The following LARP4B variants were observed in gnomAD, a reference collection of about 807,000 sequenced individuals.
LARP4B encodes the protein la-related protein 4B.
LARP4B carries 12 observed loss-of-function variants against 89.8 expected under a neutral mutation model. The observed-to-expected ratio is 0.13, with a 90% CI of 0.09 to 0.22. The LOEUF is 0.22. Among genes scored for constraint, LARP4B ranks in the 10% least tolerant of loss-of-function variants. The pLI, the probability that LARP4B is intolerant of heterozygous loss-of-function variation, is 1.00. For synonymous variants in LARP4B, 367 were observed against 363.3 expected (o/e 1.01, Z -0.12); for missense variants, 757 against 947.7 (o/e 0.80, Z 2.64).
At chr10:891,395 G>A (rs1272686232) in intron 1 of LARP4B, among the ~76,000 whole-genome samples, 1 of 152,088 alleles carries the variant, frequency 6.6e-6, no homozygotes, top group African/African-American at 2.4e-5. Flanking sequence ...AACAGTAAAA[G>A]GACAACTGAT....
chr10:807,839 A>G (rs1458399307), downstream of LARP4B: 1 of 152,318 alleles, frequency 6.6e-6, no homozygotes, highest in Non-Finnish European at 1.5e-5. Context: ...TTCCTGGCCT[A>G]TGGTCTCACC....
intron 1 of LARP4B, among the ~76,000 whole-genome samples, chr10:895,449 A>G (rs924596151): frequency 2.6e-5 from 4 of 151,994 alleles, no homozygotes; most frequent in African/African-American, 9.7e-5. Context: ...CTGTAATCCC[A>G]ACACTTTGGG....
chr10:969,057 C>T, the LARP4B span, among the ~76,000 whole-genome samples: 32,081 of 152,124 alleles, frequency 0.21, 3,431 homozygotes, highest in East Asian at 0.3. Context: ...CTTGGGCAGA[C>T]AAGTGCAGAC....
At chr10:901,166 C>T (rs1473211344) in intron 1 of LARP4B, among the ~76,000 whole-genome samples, 1 of 152,074 alleles carries the variant, frequency 6.6e-6, no homozygotes, top group African/African-American at 2.4e-5. Flanking sequence ...CCACCCGCCT[C>T]GGCCTCCCAA....
At chr10:886,291 A>ATGAC (rs1835855155) in intron 1 of LARP4B, among the ~76,000 whole-genome samples, 1 of 152,230 alleles carries the variant, frequency 6.6e-6, no homozygotes, top group South Asian at 2.1e-4. Context: ...AACTGTCAGA[A>ATGAC]TGACTATTAT....
At chr10:932,268 C>G (rs1395673627), upstream of LARP4B, among the ~76,000 whole-genome samples, 4 of 150,288 alleles carry the variant, frequency 2.7e-5, no homozygotes, top group African/African-American at 7.4e-5. Flanking sequence ...AACTCCCACC[C>G]CACAGCTGGG....
chr10:911,926 A>G (rs1439592771), intron 1 of LARP4B, among the ~76,000 whole-genome samples: 1 of 152,206 alleles, frequency 6.6e-6, no homozygotes, highest in Non-Finnish European at 1.5e-5. Flanking sequence ...CAGGATGGCT[A>G]CTGTTTCTTT....
the LARP4B span, among the ~76,000 whole-genome samples, chr10:969,147 G>A: frequency 6.6e-6 from 1 of 152,196 alleles, no homozygotes; most frequent in African/African-American, 2.4e-5. Context: ...GATTGGATAG[G>A]ATTTCAGGCA....
the LARP4B span, among the ~76,000 whole-genome samples, chr10:967,411 G>T: frequency 6.6e-6 from 1 of 152,070 alleles, no homozygotes; most frequent in African/African-American, 2.4e-5. Flanking sequence ...AATGCCAACC[G>T]CAAAAGAAAG....
the LARP4B span, among the ~76,000 whole-genome samples, chr10:959,227 G>T: frequency 2.0e-5 from 3 of 152,268 alleles, no homozygotes; most frequent in Admixed American, 6.5e-5. Flanking sequence ...CAGGGGTGTG[G>T]AAATATGCGT....
rs1213239076 is a variant in LARP4B, at chr10:850,024, A to G, written c.431-4969T>C. ...GATCCCGCAACAGAAAAAGGACGTT[A>G]GGTTACGATGTATCACTACTGGTTC... On this transcript the variant is annotated intron_variant, in intron 5 of 17. Coordinates refer to ENST00000316157, the MANE Select transcript of LARP4B (RefSeq NM_015155.3). Among the ~76,000 whole-genome samples, 3 of 152,250 alleles carry G rather than the reference A, an allele frequency of 2.0e-5. No homozygotes were observed. The East Asian group carries it at 5.8e-4, about 29-fold the overall frequency.
chr10:933,366 C>A (rs1040720398), upstream of LARP4B, among the ~76,000 whole-genome samples: 1 of 152,078 alleles, frequency 6.6e-6, no homozygotes, highest in African/African-American at 2.4e-5. Context: ...CTCGGGCCCC[C>A]AAAATCTGGG....
intron 5 of LARP4B, among the ~76,000 whole-genome samples, chr10:862,256 TAAA>T (rs10661482): frequency 5.9e-5 from 5 of 84,410 alleles, no homozygotes; most frequent in African/African-American, 1.6e-4. Flanking sequence ...CCACTGAAGT[TAAA>T]AAAAAAAAAA....
rs374750669 is a variant in LARP4B at position 884,497 on chromosome 10, G to A, written c.91C>T (p.Pro31Ser). The change falls in exon 3 of 18, where the codon CCT (proline) becomes TCT (serine). Residue 31 changes from proline to serine, a missense_variant. This residue lies in a region of LARP4B where 175 missense variants were observed against 187.0 expected (regional missense o/e 0.94). Transcript: ENST00000316157. ...GKDSAHLMNG[P>S]ISQTTSQTSS... The stretch of plus-strand genomic sequence containing the variant: ...GTCTGAGAAGTGGTTTGAGATATAG[G>A]ACCATTCATCTGTAAAATTGAAAAC... 14 of 1,600,264 alleles carry A rather than the reference G, an allele frequency of 8.7e-6. No homozygotes were observed. The highest frequency in any genetic ancestry group is 4.4e-5 in the South Asian group (4 of 90,710).
intron 5 of LARP4B, among the ~76,000 whole-genome samples, chr10:856,098 A>C (rs950202143): frequency 1.3e-5 from 2 of 152,244 alleles, no homozygotes; most frequent in Non-Finnish European, 2.9e-5. Flanking sequence ...TAAAATCTAA[A>C]GCAATTAAAC....
chr10:916,542 A>G (rs756861931), intron 1 of LARP4B, among the ~76,000 whole-genome samples: 107 of 152,214 alleles, frequency 7.0e-4, no homozygotes, highest in Non-Finnish European at 2.4e-4. Flanking sequence ...CTAAAAATAC[A>G]AAACTAGCCA....
At chr10:821,671 A>AT (rs1469095479) in intron 13 of LARP4B, among the ~76,000 whole-genome samples, 3 of 152,276 alleles carry the variant, frequency 2.0e-5, no homozygotes, top group African/African-American at 7.2e-5. Context: ...GTTAAGAAAT[A>AT]GTCTTGACTA....
chr10:943,713 C>T, the LARP4B span, among the ~76,000 whole-genome samples: 1 of 152,146 alleles, frequency 6.6e-6, no homozygotes, highest in East Asian at 1.9e-4. Flanking sequence ...GTGAAGGAAG[C>T]AGTGAGCGGC....
chr10:907,859 T>C (rs1368394676), intron 1 of LARP4B, among the ~76,000 whole-genome samples: 3 of 152,178 alleles, frequency 2.0e-5, no homozygotes, highest in Non-Finnish European at 4.4e-5. Context: ...GGCAGAAGGT[T>C]GATCATCAAT....
Sources: gnomAD v4.1 joint callset for allele counts (sites outside exome capture counted in the v4.1 genomes callset) on GRCh38, gnomAD v4.1.1 for gene constraint, gnomAD v4.1.1 regional missense constraint, MANE v1.5 for transcripts, NCBI Gene and HGNC (gene_info 2026-07-23, HGNC 2026-07-21) for gene names.